Variants in THRAP3 observed in about 807,000 individuals in gnomAD.
The protein encoded by THRAP3 is thyroid hormone receptor associated protein 3.
In THRAP3, 16 loss-of-function variants were observed where a neutral mutation model predicts 101.0. The observed-to-expected ratio is 0.16, with a 90% CI of 0.11 to 0.24. THRAP3 has a LOEUF of 0.24. THRAP3 is among the 10% of genes least tolerant of loss of function. THRAP3 has a pLI of 1.00. For synonymous variants in THRAP3, 407 were observed against 422.6 expected, an observed-to-expected ratio of 0.96 and a Z score of 0.45; for missense variants, 989 against 1,202.7, an observed-to-expected ratio of 0.82 and a Z score of 2.63.
chr1:36,216,373 A>G, the THRAP3 span, among the ~76,000 whole-genome samples: 1 of 151,526 alleles, frequency 6.6e-6, no homozygotes, highest in African/African-American at 2.4e-5. Context: ...TACAAAAATT[A>G]GCTGTGTTTG....
upstream of THRAP3, among the ~76,000 whole-genome samples, chr1:36,223,627 T>C (rs1252475287): frequency 2.0e-5 from 3 of 152,096 alleles, no homozygotes; most frequent in Non-Finnish European, 4.4e-5. Context: ...GCAGAGATTC[T>C]CAAATTTGTA....
At chr1:36,215,025 T>C in the THRAP3 span, among the ~76,000 whole-genome samples, 3 of 150,394 alleles carry the variant, frequency 2.0e-5, no homozygotes, top group African/African-American at 7.3e-5. Flanking sequence ...ATAGAGACCA[T>C]CCTGGCTAAC....
chr1:36,269,101 T>C (rs756991675), intron 2 of THRAP3, among the ~76,000 whole-genome samples: 19 of 152,186 alleles, frequency 1.2e-4, no homozygotes, highest in Non-Finnish European at 2.5e-4. Flanking sequence ...TGACAAGAGC[T>C]AAGGACCAAG....
Position 36,304,120 on chromosome 1 carries a change from C to T in THRAP3, c.*103C>T. On this transcript the variant is annotated 3_prime_UTR_variant, in exon 12 of 12. Transcript: ENST00000354618. The stretch of plus-strand genomic sequence containing the variant: ...CCTCAAGAAGATTCTGAAAATCCTA[C>T]CCCCACCCCCCACCAGCCGCACAGA... 1 of 1,409,200 alleles carries T rather than the reference C, an allele frequency of 7.1e-7. No homozygotes were observed. The highest frequency in any genetic ancestry group is 9.4e-7 in the Non-Finnish European group (1 of 1,068,042). 87.3% of individuals were successfully genotyped at this position (1,409,200 alleles called of 1,614,324 possible).
chr1:36,267,903 GGCACGGTGACTCAC>G lies in THRAP3; in HGVS notation c.-32+8422_-32+8435del, dbSNP rs1205309957. On this transcript the variant is annotated intron_variant, in intron 2 of 11. Coordinates refer to ENST00000354618, the MANE Select transcript of THRAP3 (RefSeq NM_005119.4). Reference sequence around the variant, plus strand: ...TTTAGAAAGGAATTACCCTAGGCCGGGCACGGTGACTCACGCCTGTAATCCTAGTACTTTGGGAG... The same window carrying G: ...TTTAGAAAGGAATTACCCTAGGCCGGGCCTGTAATCCTAGTACTTTGGGAG... Among the ~76,000 whole-genome samples the G allele has an allele frequency of 2.9e-4, 14 of 47,916 alleles. 3 individuals carry two copies. The highest frequency in any genetic ancestry group is 5.6e-4 in the African/African-American group (14 of 24,862). The allele number at this position is 47,916 out of a possible 152,430, so 31.4% of individuals were successfully genotyped here. A position where few individuals can be genotyped will look rare whatever the true frequency, so the allele number is the denominator to read the frequency against.
chr1:36,292,816 A>G (rs1645893425), intron 7 of THRAP3, 107 bp downstream of exon 7: 1 of 783,518 alleles, frequency 1.3e-6, no homozygotes, highest in Non-Finnish European at 2.1e-6. Flanking sequence ...TACAAAATTT[A>G]CAGTAACATC....
At chr1:36,269,205 G>A (rs977819589) in intron 2 of THRAP3, among the ~76,000 whole-genome samples, 1 of 152,078 alleles carries the variant, frequency 6.6e-6, no homozygotes, top group African/African-American at 2.4e-5. Context: ...TTTGTTGGTG[G>A]TGATGGTGAA....
intron 11 of THRAP3, among the ~76,000 whole-genome samples, chr1:36,302,590 G>C (rs1646043030): frequency 6.6e-6 from 1 of 152,170 alleles, no homozygotes; most frequent in African/African-American, 2.4e-5. Context: ...AGTATTGCCA[G>C]CCTGATTCGT....
chr1:36,209,921 G>A, the THRAP3 span, among the ~76,000 whole-genome samples: 1 of 152,206 alleles, frequency 6.6e-6, no homozygotes, highest in Non-Finnish European at 1.5e-5. Flanking sequence ...AGTGGCAACA[G>A]TTAGTGGGTG....
At chr1:36,283,762 T>C (rs1312171591) in intron 3 of THRAP3, among the ~76,000 whole-genome samples, 1 of 152,190 alleles carries the variant, frequency 6.6e-6, no homozygotes, top group Non-Finnish European at 1.5e-5. Context: ...ATTAAACTTT[T>C]ACTCTTGATG....
At chr1:36,300,121 T>TAATGA (rs1448739118) in intron 9 of THRAP3, among the ~76,000 whole-genome samples, 1 of 152,190 alleles carries the variant, frequency 6.6e-6, no homozygotes, top group Non-Finnish European at 1.5e-5. Context: ...AGTACATAGA[T>TAATGA]AATGACTCAT....
chr1:36,298,807 G>A (rs186939865), intron 9 of THRAP3, among the ~76,000 whole-genome samples: 20 of 151,606 alleles, frequency 1.3e-4, no homozygotes, highest in Admixed American at 2.0e-4. Context: ...CACCTGGCCC[G>A]TTTTGAGACA....
chr1:36,234,340 G>A (rs919721143), intron 1 of THRAP3, among the ~76,000 whole-genome samples: 5 of 152,202 alleles, frequency 3.3e-5, no homozygotes, highest in Admixed American at 6.5e-5. Flanking sequence ...AAGCCCTGGT[G>A]GGGCAGGGAG....
intron 1 of THRAP3, among the ~76,000 whole-genome samples, chr1:36,233,155 AC>A (rs1238436281): frequency 6.8e-6 from 1 of 148,120 alleles, no homozygotes; most frequent in East Asian, 2.2e-4. Flanking sequence ...GGCGTGAGCC[AC>A]TGCACCTGGC....
upstream of THRAP3, among the ~76,000 whole-genome samples, chr1:36,219,682 G>A (rs1368734046): frequency 6.6e-6 from 1 of 151,788 alleles, no homozygotes; most frequent in East Asian, 1.9e-4. Context: ...TGCCTGCCTC[G>A]GCCTCCCAAA....
chr1:36,234,184 C>T (rs1645060238), intron 1 of THRAP3, among the ~76,000 whole-genome samples: 1 of 152,102 alleles, frequency 6.6e-6, no homozygotes, highest in South Asian at 2.1e-4. Flanking sequence ...CGAACTCCTT[C>T]CTCAGCTTCC....
At chr1:36,246,421 C>T (rs539279694) in intron 1 of THRAP3, among the ~76,000 whole-genome samples, 34 of 152,210 alleles carry the variant, frequency 2.2e-4, no homozygotes, top group South Asian at 8.3e-4. Context: ...TTAGTAGAGA[C>T]GGGGTTTCAC....
chr1:36,244,148 G>A (rs1645203587), intron 1 of THRAP3, among the ~76,000 whole-genome samples: 1 of 152,226 alleles, frequency 6.6e-6, no homozygotes, highest in South Asian at 2.1e-4. Context: ...GTTGCCATTT[G>A]TTAATGGTGT....
intron 1 of THRAP3, among the ~76,000 whole-genome samples, chr1:36,255,347 G>T (rs2124471185): frequency 6.6e-6 from 1 of 152,214 alleles, no homozygotes; most frequent in Non-Finnish European, 1.5e-5. Context: ...GATTGCCAGG[G>T]GCCGGGTACT....
Sources: gnomAD v4.1 joint callset for allele counts (sites outside exome capture counted in the v4.1 genomes callset) on GRCh38, gnomAD v4.1.1 for gene constraint, MANE v1.5 for transcripts, NCBI Gene and HGNC (gene_info 2026-07-23, HGNC 2026-07-21) for gene names.